PTPRN2: variants seen among roughly 807,000 people sequenced by gnomAD.
PTPRN2 encodes receptor-type tyrosine-protein phosphatase N2.
A neutral mutation model predicts 118.8 loss-of-function variants in PTPRN2; 74 were observed. The observed-to-expected ratio is 0.62, with a 90% CI of 0.52 to 0.76. The LOEUF is 0.76. PTPRN2 is among the 30% of genes least tolerant of loss of function. The probability of loss-of-function intolerance (pLI) is 0.00; values close to 1 mark genes in which losing one functional copy is unlikely to be tolerated. For missense variants in PTPRN2, 1,481 were observed against 1,394.4 expected (o/e 1.06, Z -0.99); for synonymous variants, 641 against 608.0 (o/e 1.05, Z -0.80).
intron 3 of PTPRN2, among the ~76,000 whole-genome samples, chr7:158,222,785 G>A (rs573122069): frequency 2.6e-5 from 4 of 151,668 alleles, no homozygotes; most frequent in East Asian, 3.9e-4. Flanking sequence ...TAATAAAGGA[G>A]AACACAATAA....
At chr7:158,155,238 G>C (rs1315727975) in intron 6 of PTPRN2, among the ~76,000 whole-genome samples, 2 of 152,190 alleles carry the variant, frequency 1.3e-5, no homozygotes, top group East Asian at 3.9e-4. Flanking sequence ...ATATGTCATT[G>C]TAGGGCCTTC....
rs1800057535 is a variant in PTPRN2, at chr7:157,576,599, G to A, written c.2783+14C>T. On this transcript the variant is annotated intron_variant, in intron 19 of 22. Coordinates refer to ENST00000389418, the MANE Select transcript of PTPRN2 (RefSeq NM_002847.5). ...TCAGCGCGCACTGCCCTGCCGGCGGGCCGCGCGTCATACCTGCGGAAGTCC... is the reference window on the plus strand; with the variant it reads ...TCAGCGCGCACTGCCCTGCCGGCGGACCGCGCGTCATACCTGCGGAAGTCC... 2 of 1,599,906 alleles carry A rather than the reference G, an allele frequency of 1.3e-6. No individual in the cohort carries two copies. The highest frequency in any genetic ancestry group is 1.7e-6 in the Non-Finnish European group (2 of 1,171,708).
At chr7:157,867,842 A>T (rs1265339998) in intron 12 of PTPRN2, among the ~76,000 whole-genome samples, 1 of 152,188 alleles carries the variant, frequency 6.6e-6, no homozygotes, top group Non-Finnish European at 1.5e-5. Flanking sequence ...GCTGGTCCCT[A>T]GACTGCTCAG....
At chr7:157,742,237 G>A (rs1800676494) in intron 12 of PTPRN2, among the ~76,000 whole-genome samples, 1 of 152,186 alleles carries the variant, frequency 6.6e-6, no homozygotes, top group Admixed American at 6.5e-5. Flanking sequence ...GGTGACTGGG[G>A]TAACGCGTTA....
Position 157,979,902 on chromosome 7 carries a change from G to T in PTPRN2, c.1724-81165C>A, listed in dbSNP as rs150433979. Among the ~76,000 whole-genome samples the T allele has an allele frequency of 5.9e-3, 904 of 152,302 alleles. 11 individuals carry two copies. In the Middle Eastern group the frequency reaches 0.069, roughly 12 times the overall value. On this transcript the variant is annotated intron_variant, in intron 11 of 22. Transcript: ENST00000389418. ...TGTGAGTCCCAGAGCCAGAGCCCCC[G>T]ACTGGGCAGCTGGGGGATCTGTGAC... is the stretch of plus-strand genomic sequence containing the variant.
chr7:158,487,516 A>T (rs1802384514), intron 2 of PTPRN2, among the ~76,000 whole-genome samples: 1 of 152,174 alleles, frequency 6.6e-6, no homozygotes, highest in Non-Finnish European at 1.5e-5. Flanking sequence ...TTTTATTAAT[A>T]ACCTCTGTTG....
intron 12 of PTPRN2, among the ~76,000 whole-genome samples, chr7:157,792,902 G>A (rs933254264): frequency 1.5e-4 from 23 of 152,286 alleles, no homozygotes; most frequent in African/African-American, 4.6e-4. Context: ...ATGACCGGGC[G>A]GATCAATCTC....
intron 16 of PTPRN2, among the ~76,000 whole-genome samples, chr7:157,602,014 G>T (rs1801697394): frequency 6.6e-6 from 1 of 152,196 alleles, no homozygotes; most frequent in African/African-American, 2.4e-5. Context: ...CGAGGCTTTG[G>T]TTTGATGTTT....
rs1330574925 is a variant in PTPRN2 at position 157,785,411 on chromosome 7, G to C, written c.1789-102474C>G. ...TCGCCCCCGAGGATGAAAGGGGGTG[G>C]TGGAAAAGGCCTTGGAGCCTGGGGC... On this transcript the variant is annotated intron_variant, in intron 12 of 22. Transcript: ENST00000389418. This position sits in a 1 kb window ranked among gnomAD's most constrained non-coding sequence, Gnocchi z 7.3. 1.3e-5 allele frequency among the ~76,000 whole-genome samples: 2 copies of C among 152,200 alleles called. No homozygotes were observed. Among genetic ancestry groups the C allele is most frequent in the South Asian group, 2.1e-4 (1 of 4,822 alleles).
Position 157,609,390 on chromosome 7 carries a change from A to AT in PTPRN2, c.2345-5316dup, listed in dbSNP as rs1015687113. On this transcript the variant is annotated intron_variant, in intron 15 of 22. Coordinates refer to ENST00000389418, the MANE Select transcript of PTPRN2 (RefSeq NM_002847.5). This position sits in a 1 kb window ranked among gnomAD's most constrained non-coding sequence, Gnocchi z 4.9. ...AAGAGTGAAACTCTGTCTCAAAAAA[A>AT]TTTTTTTTTAAATATAAAAAAAAAG... Among the ~76,000 whole-genome samples, 1 of 151,726 alleles carries AT rather than the reference A, an allele frequency of 6.6e-6. No individual in the cohort carries two copies. Among genetic ancestry groups the AT allele is most frequent in the Non-Finnish European group, 1.5e-5 (1 of 67,944 alleles).
intron 2 of PTPRN2, among the ~76,000 whole-genome samples, chr7:158,397,487 C>T (rs1812608835): frequency 6.6e-6 from 1 of 152,236 alleles, no homozygotes; most frequent in Non-Finnish European, 1.5e-5. Flanking sequence ...GAGGCCCAAA[C>T]AAACACTCCT....
chr7:157,940,553 A>C (rs1230748368), intron 11 of PTPRN2, among the ~76,000 whole-genome samples: 1 of 145,374 alleles, frequency 6.9e-6, no homozygotes, highest in Non-Finnish European at 1.5e-5. Context: ...TGCAAATCTA[A>C]CGCCCTCCCC....
At chr7:158,333,846 G>C (rs1431583441) in intron 2 of PTPRN2, among the ~76,000 whole-genome samples, 4 of 136,244 alleles carry the variant, frequency 2.9e-5, no homozygotes, top group Admixed American at 1.5e-4. Context: ...TCACCATAGA[G>C]CTGACACCCG....
chr7:157,567,283 C>T (rs1192021533), intron 21 of PTPRN2, among the ~76,000 whole-genome samples: 1 of 152,204 alleles, frequency 6.6e-6, no homozygotes, highest in Non-Finnish European at 1.5e-5. Flanking sequence ...TGAGTGTTTG[C>T]ATTTTGTTTT....
chr7:158,051,431 A>T (rs1168752668), intron 11 of PTPRN2, among the ~76,000 whole-genome samples: 2 of 152,198 alleles, frequency 1.3e-5, no homozygotes, highest in Non-Finnish European at 2.9e-5. Context: ...GTCCCTCCCA[A>T]GTCTGTCTGC....
rs1209188739 is a variant in PTPRN2, at chr7:157,845,024, C to T, written c.1788+53649G>A. Among the ~76,000 whole-genome samples the T allele has an allele frequency of 6.6e-6, 1 of 152,108 alleles. No homozygotes were observed. Among genetic ancestry groups the T allele is most frequent in the East Asian group, 1.9e-4 (1 of 5,178 alleles). ...AGATCGGTTGGGATCCACCTGGTGACACCTGCCTTATCTTCCAGGGTTTGC... is the reference window on the plus strand; with the variant it reads ...AGATCGGTTGGGATCCACCTGGTGATACCTGCCTTATCTTCCAGGGTTTGC... On this transcript the variant is annotated intron_variant, in intron 12 of 22. Coordinates refer to ENST00000389418, the MANE Select transcript of PTPRN2 (RefSeq NM_002847.5). This position sits in a 1 kb window ranked among gnomAD's most constrained non-coding sequence, Gnocchi z 4.5.
intron 2 of PTPRN2, among the ~76,000 whole-genome samples, chr7:158,431,522 GCACACTGGCTCACATCGAGCA>G (rs1316410362): frequency 2.4e-5 from 3 of 126,668 alleles, no homozygotes; most frequent in East Asian, 5.3e-4. Flanking sequence ...CACACAGCAG[GCACACTGGCTCACATCGAGCA>G]CACACTGGCT....
intron 6 of PTPRN2, among the ~76,000 whole-genome samples, chr7:158,144,244 T>C (rs1394358895): frequency 6.6e-6 from 1 of 152,196 alleles, no homozygotes; most frequent in African/African-American, 2.4e-5. Flanking sequence ...AATAAACTTT[T>C]CTGAGCCCCC....
At chr7:157,548,299 T>G (rs1243021182) in intron 22 of PTPRN2, among the ~76,000 whole-genome samples, 1 of 152,010 alleles carries the variant, frequency 6.6e-6, no homozygotes, top group Non-Finnish European at 1.5e-5. Context: ...CAAAGAACTT[T>G]CACAAAATCA....
Sources: gnomAD v4.1 joint callset for allele counts (sites outside exome capture counted in the v4.1 genomes callset) on GRCh38, gnomAD v4.1.1 for gene constraint, Gnocchi (gnomAD v3.1) non-coding constraint, MANE v1.5 for transcripts, NCBI Gene and HGNC (gene_info 2026-07-23, HGNC 2026-07-21) for gene names.